The following TRPM6 variants were observed in gnomAD, a reference collection of about 807,000 sequenced individuals.
The protein encoded by TRPM6 is channel kinase 2.
TRPM6 carries 111 observed loss-of-function variants against 247.6 expected under a neutral mutation model. The ratio of observed to expected loss-of-function variants is 0.45; its 90% confidence interval spans 0.38 to 0.52. The LOEUF (loss-of-function observed/expected upper bound fraction) is 0.52. Among genes scored for constraint, TRPM6 ranks in the 20% least tolerant of loss-of-function variants. The pLI is 0.00. For missense variants in TRPM6, 2,126 were observed against 2,421.5 expected (o/e 0.88, Z 2.56); for synonymous variants, 892 against 853.8 (o/e 1.04, Z -0.78).
chr9:74,776,184 G>T, intron 23 of TRPM6, 108 bp from the exon 24 acceptor site: 2 of 941,060 alleles, frequency 2.1e-6, no homozygotes, highest in Non-Finnish European at 3.5e-6. Flanking sequence ...ATTACCGGCA[G>T]TTACCCAATA....
chr9:74,850,742 C>CA (rs1011916625), intron 3 of TRPM6, among the ~76,000 whole-genome samples: 7 of 151,014 alleles, frequency 4.6e-5, no homozygotes, highest in Admixed American at 6.6e-5. Flanking sequence ...AAAAAACAAA[C>CA]AAAAAAAAGG....
At chr9:74,805,357 A>G (rs1419280644) in intron 14 of TRPM6, among the ~76,000 whole-genome samples, 1 of 152,190 alleles carries the variant, frequency 6.6e-6, no homozygotes, top group Non-Finnish European at 1.5e-5. Flanking sequence ...TTGAGGGAGA[A>G]CGTTTACCAC....
At chr9:74,757,283 G>A (rs1208657112) in intron 27 of TRPM6, among the ~76,000 whole-genome samples, 1 of 151,700 alleles carries the variant, frequency 6.6e-6, no homozygotes, top group Non-Finnish European at 1.5e-5. Context: ...AAGCATGAAT[G>A]AAACAGAAAT....
At chr9:74,883,561 G>A (rs1219310743) in intron 1 of TRPM6, among the ~76,000 whole-genome samples, 1 of 152,148 alleles carries the variant, frequency 6.6e-6, no homozygotes, top group Non-Finnish European at 1.5e-5. Context: ...AAGAGAAAAT[G>A]CTATACCTAT....
At position 74,745,462 on chromosome 9, in the gene TRPM6, CGTGTGTGTGTGT is replaced by C. The variant is rs377055848; in HGVS notation, c.5084-1329_5084-1318del. The stretch of plus-strand genomic sequence containing the variant: ...ATATAGTATAGTGTGTGTGTGTGTG[CGTGTGTGTGTGT>C]GTGTGTGTGTATGCATCAACTTAAG... On this transcript the variant is annotated intron_variant, in intron 31 of 38. Transcript: ENST00000360774. Among the ~76,000 whole-genome samples, 13 of 145,822 alleles carry C rather than the reference CGTGTGTGTGTGT, an allele frequency of 8.9e-5. No homozygotes were observed. The East Asian group carries it at 2.4e-3, about 27-fold the overall frequency.
intron 6 of TRPM6, among the ~76,000 whole-genome samples, chr9:74,829,599 A>G (rs1392861930): frequency 2.6e-5 from 4 of 152,190 alleles, no homozygotes; most frequent in Admixed American, 6.5e-5. Context: ...TGAGGCTTCA[A>G]AGAAATAATG....
Position 74,840,167 on chromosome 9 carries a change from T to G in TRPM6, c.401A>C (p.Glu134Ala). 4.3e-6 allele frequency: 7 copies of G among 1,614,118 alleles called. No homozygotes were observed. The highest frequency in any genetic ancestry group is 5.9e-6 in the Non-Finnish European group (7 of 1,180,004). Residue 134 changes from glutamate (E) to alanine (A), a missense_variant, in exon 5 of 39, where the codon GAA becomes GCA. Physicochemically the swap from Glu to Ala is moderately radical, Grantham distance 107. Around this residue, in one of 3 missense-constraint regions of TRPM6, gnomAD observed 1,082 missense variants for 1,307.9 expected, o/e 0.83. Transcript: ENST00000360774. ...LHLMLKEWKM[E>A]LPKLVISVHG... ...GACTGAGATCACAAGCTTGGGCAGTTCCATTTTCCACTCTTTCAACATTAA... is the reference window on the plus strand; with the variant it reads ...GACTGAGATCACAAGCTTGGGCAGTGCCATTTTCCACTCTTTCAACATTAA...
intron 24 of TRPM6, among the ~76,000 whole-genome samples, chr9:74,773,521 C>T (rs1827119638): frequency 6.6e-6 from 1 of 152,208 alleles, no homozygotes; most frequent in African/African-American, 2.4e-5. Flanking sequence ...CAAACTCCAG[C>T]ATTCACATTT....
Position 74,763,073 on chromosome 9 carries a change from A to G in TRPM6, c.3598T>C (p.Ser1200Pro), listed in dbSNP as rs1299612507. Residue 1200 changes from serine to proline, a missense_variant, in exon 26 of 39, where the codon TCC becomes CCC. By Grantham distance (74) the Ser-to-Pro change is moderately conservative. This residue lies in a region of TRPM6 where 717 missense variants were observed against 715.9 expected (regional missense o/e 1.00). Coordinates refer to ENST00000360774, the MANE Select transcript of TRPM6 (RefSeq NM_017662.5). Reference protein sequence around the residue: ...MNEKVSFIKDSLLSLDSQVGH... With the variant: ...MNEKVSFIKDPLLSLDSQVGH... ...ACCTGGCTGTCCAAAGACAGTAAGG[A>G]GTCCTTTATAAAAGACACCTTTTCA... 6.2e-7 allele frequency: 1 copy of G among 1,613,962 alleles called. No individual in the cohort carries two copies. Among genetic ancestry groups the G allele is most frequent in the African/African-American group, 1.3e-5 (1 of 75,046 alleles).
At chr9:74,780,589 A>T (rs1253530618) in intron 23 of TRPM6, among the ~76,000 whole-genome samples, 3 of 152,238 alleles carry the variant, frequency 2.0e-5, no homozygotes, top group Non-Finnish European at 2.9e-5. Flanking sequence ...ATATCCTCTG[A>T]TGTCTGCTTT....
At chr9:74,785,807 G>A (rs905452650) in intron 21 of TRPM6, 67 bp downstream of exon 21, 7 of 1,571,960 alleles carry the variant, frequency 4.5e-6, no homozygotes, top group East Asian at 2.2e-5. Context: ...ACAGGTGTGA[G>A]CCACCACACC....
intron 33 of TRPM6, among the ~76,000 whole-genome samples, chr9:74,741,373 G>C (rs908263323): frequency 4.6e-5 from 7 of 152,000 alleles, no homozygotes; most frequent in Admixed American, 1.3e-4. Flanking sequence ...GGTTTACCAA[G>C]AAAGGAATCC....
intron 18 of TRPM6, among the ~76,000 whole-genome samples, chr9:74,795,741 G>A (rs1461092397): frequency 6.6e-6 from 1 of 152,108 alleles, no homozygotes; most frequent in Non-Finnish European, 1.5e-5. Context: ...GTCATCACAG[G>A]TCATGTTTTC....
intron 25 of TRPM6, among the ~76,000 whole-genome samples, chr9:74,766,546 A>G (rs1434305132): frequency 1.3e-5 from 2 of 152,176 alleles, no homozygotes. Context: ...TAAAGGTTCT[A>G]CCTGTACTGT....
chr9:74,846,805 T>C (rs1830124207), intron 3 of TRPM6, among the ~76,000 whole-genome samples: 1 of 152,182 alleles, frequency 6.6e-6, no homozygotes, highest in Non-Finnish European at 1.5e-5. Context: ...CACTTCGGCC[T>C]TCCAACGTGC....
chr9:74,755,238 C>A, intron 28 of TRPM6, 115 bp downstream of exon 28: 1 of 1,143,696 alleles, frequency 8.7e-7, no homozygotes, highest in Non-Finnish European at 1.3e-6. Flanking sequence ...TAGCCATCTT[C>A]TCTTTCCCTC....
intron 23 of TRPM6, among the ~76,000 whole-genome samples, chr9:74,779,684 T>A (rs1827349927): frequency 6.6e-6 from 1 of 152,222 alleles, no homozygotes. Context: ...GGCACTCTTT[T>A]CAGTGTTTGA....
At chr9:74,782,913 A>T (rs973503796) in intron 21 of TRPM6, 60 bp from the exon 22 acceptor site, 1 of 1,501,614 alleles carries the variant, frequency 6.7e-7, no homozygotes, top group African/African-American at 1.4e-5. Context: ...AAAAGAAACC[A>T]AACACCAGCA....
At position 74,849,687 on chromosome 9, in the gene TRPM6, G is replaced by T. The variant is rs145828288; in HGVS notation, c.152+5840C>A. 4.4e-3 allele frequency among the ~76,000 whole-genome samples: 667 copies of T among 152,318 alleles called. 4 individuals carry two copies. The highest frequency in any genetic ancestry group is 0.015 in the African/African-American group (625 of 41,570). ...TAGAACAGTGGATTGTACCTGACAA[G>T]CAGGGGAACCAAAAACAAGAGCTGA... On this transcript the variant is annotated intron_variant, in intron 3 of 38. Coordinates refer to ENST00000360774, the MANE Select transcript of TRPM6 (RefSeq NM_017662.5).
Sources: allele counts gnomAD v4.1 joint callset (sites outside exome capture counted in the v4.1 genomes callset), GRCh38; gene constraint gnomAD v4.1.1; regional missense constraint gnomAD v4.1.1; transcripts MANE v1.5; gene names NCBI Gene and HGNC (gene_info 2026-07-23, HGNC 2026-07-21).